Variants in PCDHGA3 observed in about 807,000 individuals in gnomAD.
PCDHGA3 encodes the protein protocadherin gamma-A3.
In PCDHGA3, 40 loss-of-function variants were observed where a neutral mutation model predicts 58.5. That is an observed-to-expected ratio of 0.68 (90% CI 0.53 to 0.89). PCDHGA3 has a LOEUF of 0.89. Among genes scored for constraint, PCDHGA3 ranks in the 40% least tolerant of loss-of-function variants. The pLI, the probability that PCDHGA3 is intolerant of heterozygous loss-of-function variation, is 0.00. For missense variants in PCDHGA3, 1,223 were observed against 1,195.9 expected, an observed-to-expected ratio of 1.02 and a Z score of -0.33; for synonymous variants, 530 against 525.7, an observed-to-expected ratio of 1.01 and a Z score of -0.11.
At position 141,415,039 on chromosome 5, in the gene PCDHGA3, G is replaced by T. The variant is rs761101620; in HGVS notation, c.2424+68582G>T. ...CAAGGCCAGCGAGCCGGGACTCTTC[G>T]CGGTGGGGGAGCACACGGGCGAGGT... On this transcript the variant is annotated intron_variant, in intron 1 of 3. Transcript: ENST00000253812. The T allele has an allele frequency of 3.1e-6, 5 of 1,613,342 alleles. No homozygotes were observed. The highest frequency in any genetic ancestry group is 3.4e-6 in the Non-Finnish European group (4 of 1,179,934).
chr5:141,357,680 A>G (rs913716274), intron 1 of PCDHGA3: 1 of 1,580,188 alleles, frequency 6.3e-7, no homozygotes, highest in Non-Finnish European at 8.6e-7. Flanking sequence ...AGTTGTGTAA[A>G]TGTCTCTCAT....
chr5:141,352,423 C>T, intron 1 of PCDHGA3: 1 of 1,614,070 alleles, frequency 6.2e-7, no homozygotes, highest in Non-Finnish European at 8.5e-7. Flanking sequence ...ACACTGAGGG[C>T]TGCTTTCAAA....
At chr5:141,427,519 G>A (rs1428732557) in intron 1 of PCDHGA3, 1 of 602,000 alleles carries the variant, frequency 1.7e-6, no homozygotes, top group Non-Finnish European at 3.1e-6. Context: ...GATTGGGAGC[G>A]GATCCCGGAG....
rs1757749760 is a variant in PCDHGA3, at chr5:141,346,418, G to A, written c.2385G>A (p.Gln795=). 2.5e-6 allele frequency: 4 copies of A among 1,614,216 alleles called. No homozygotes were observed. Among genetic ancestry groups the A allele is most frequent in the Middle Eastern group, 1.6e-4 (1 of 6,062 alleles). The change falls in exon 1 of 4, where the codon CAG becomes CAA. Residue 795 remains glutamine, a synonymous_variant. Transcript: ENST00000253812. The part of the protein sequence containing the change: ...CEKSEPLLIT[Q]DLLEMKGDSN... Reference sequence around the variant, plus strand: ...AAAGCGAGCCTCTTCTGATAACTCAGGATTTACTTGAAATGAAAGGAGATT... The same window carrying A: ...AAAGCGAGCCTCTTCTGATAACTCAAGATTTACTTGAAATGAAAGGAGATT...
intron 1 of PCDHGA3, chr5:141,376,156 G>T: frequency 6.2e-7 from 1 of 1,614,074 alleles, no homozygotes; most frequent in Non-Finnish European, 8.5e-7. Flanking sequence ...ACCTCACTCT[G>T]TACCTGGTGG....
chr5:141,449,067 T>A lies in PCDHGA3; in HGVS notation c.2425-45740T>A, dbSNP rs547833131. On this transcript the variant is annotated intron_variant, in intron 1 of 3. Transcript: ENST00000253812. ...AGTCTCATAAATGAGCGCTATTGAA[T>A]AGCCCTGTACCTACATCAGTTTTTA... Among the ~76,000 whole-genome samples the A allele has an allele frequency of 3.3e-5, 5 of 152,342 alleles. No homozygotes were observed. In the East Asian group the frequency reaches 9.6e-4, roughly 29 times the overall value.
intron 1 of PCDHGA3, chr5:141,384,713 C>CA: frequency 6.2e-7 from 1 of 1,614,104 alleles, no homozygotes; most frequent in Non-Finnish European, 8.5e-7. Context: ...GCCTGGCTGT[C>CA]ATACCTCCTG....
At chr5:141,354,618 C>T (rs2149781201) in intron 1 of PCDHGA3, among the ~76,000 whole-genome samples, 1 of 152,348 alleles carries the variant, frequency 6.6e-6, no homozygotes, top group East Asian at 1.9e-4. Context: ...GTCCCACTGT[C>T]TTTTCACTTA....
intron 1 of PCDHGA3, chr5:141,364,663 G>A: frequency 6.2e-7 from 1 of 1,614,042 alleles, no homozygotes; most frequent in Non-Finnish European, 8.5e-7. Flanking sequence ...TCTTGGTTGA[G>A]AACAAAATGA....
rs771885290 is a variant in PCDHGA3, at chr5:141,344,941, T to C, written c.908T>C (p.Ile303Thr). ...HLNSVSGEVSILKSLDYEDAM... is the reference protein window; with the variant it reads ...HLNSVSGEVSTLKSLDYEDAM... ...AACTCAGTGAGTGGAGAAGTATCAA[T>C]ATTAAAAAGTCTAGATTATGAGGAT... is the stretch of plus-strand genomic sequence containing the variant. The change falls in exon 1 of 4, where the codon ATA (isoleucine) becomes ACA (threonine). Residue 303 changes from isoleucine to threonine, a missense_variant. Transcript: ENST00000253812. 4.3e-6 allele frequency: 7 copies of C among 1,613,778 alleles called. No individual in the cohort carries two copies. The highest frequency in any genetic ancestry group is 5.9e-6 in the Non-Finnish European group (7 of 1,179,836).
rs778612383 is a variant in PCDHGA3, at chr5:141,360,299, G to A, written c.2424+13842G>A. The A allele has an allele frequency of 1.9e-6, 3 of 1,613,972 alleles. No homozygotes were observed. The South Asian group carries it at 3.3e-5, about 18-fold the overall frequency. ...GTAGGAAACCTCGCCAAGGATCTGGGGCTCAGCGTCCGGGACTTGCCAGCC... is the reference window on the plus strand; with the variant it reads ...GTAGGAAACCTCGCCAAGGATCTGGAGCTCAGCGTCCGGGACTTGCCAGCC... On this transcript the variant is annotated intron_variant, in intron 1 of 3. Coordinates refer to ENST00000253812, the MANE Select transcript of PCDHGA3 (RefSeq NM_018916.4).
chr5:141,490,480 C>A lies in PCDHGA3; in HGVS notation c.2425-4327C>A, dbSNP rs564439931. ...GCTGCTAACCAGCCAGCCTTTGGAC[C>A]GGGAGGCCACATCCCACTATATCAT... On this transcript the variant is annotated intron_variant, in intron 1 of 3. Transcript: ENST00000253812. The surrounding 1 kb of genome is among the most constrained non-coding windows in gnomAD (Gnocchi z 5.4). 2.5e-5 allele frequency: 40 copies of A among 1,614,076 alleles called. No homozygotes were observed. The highest frequency in any genetic ancestry group is 5.9e-6 in the Non-Finnish European group (7 of 1,180,058).
chr5:141,421,071 A>G (rs1197006989), intron 1 of PCDHGA3: 1 of 608,760 alleles, frequency 1.6e-6, no homozygotes, highest in East Asian at 2.9e-5. Flanking sequence ...GCGGAATGAG[A>G]TGGATACTCA....
chr5:141,409,041 A>G lies in PCDHGA3; in HGVS notation c.2424+62584A>G, dbSNP rs981171621. On this transcript the variant is annotated intron_variant, in intron 1 of 3. Coordinates refer to ENST00000253812, the MANE Select transcript of PCDHGA3 (RefSeq NM_018916.4). ...GGGGTCAATGCTGAGATAAACTACT[A>G]CTTCCGAAGCACTGCCCAGAGCACA... The G allele has an allele frequency of 8.7e-6, 14 of 1,613,864 alleles. No homozygotes were observed. Among genetic ancestry groups the G allele is most frequent in the Non-Finnish European group, 7.6e-6 (9 of 1,179,894 alleles).
rs72790062 is a variant in PCDHGA3, at chr5:141,476,031, C to A, written c.2425-18776C>A. On this transcript the variant is annotated intron_variant, in intron 1 of 3. Coordinates refer to ENST00000253812, the MANE Select transcript of PCDHGA3 (RefSeq NM_018916.4). The surrounding 1 kb of genome is among the most constrained non-coding windows in gnomAD (Gnocchi z 7.6). Reference sequence around the variant, plus strand: ...AAGCCATGTCGGACTCGGCGCCCAGCGCCCAAGCGCTAACCCGCTGAAAGT... The same window carrying A: ...AAGCCATGTCGGACTCGGCGCCCAGAGCCCAAGCGCTAACCCGCTGAAAGT... 6.9e-6 allele frequency: 10 copies of A among 1,457,214 alleles called. No homozygotes were observed. The highest frequency in any genetic ancestry group is 9.1e-6 in the Non-Finnish European group (10 of 1,094,860). 90.3% of individuals were successfully genotyped at this position (1,457,214 alleles called of 1,614,324 possible).
Position 141,344,238 on chromosome 5 carries a change from A to G in PCDHGA3, c.205A>G (p.Arg69Gly), listed in dbSNP as rs1046741074. Residue 69 changes from arginine to glycine, a missense_variant, in exon 1 of 4, where the codon AGA becomes GGA. Around this residue, in one of 3 missense-constraint regions of PCDHGA3, gnomAD observed 791 missense variants for 708.5 expected, o/e 1.12. Transcript: ENST00000253812. The part of the protein sequence containing the change: ...LAERGVRIVS[R>G]GRTQLFSLNP... ...GGAGCGCGGAGTCCGCATCGTCTCC[A>G]GAGGTAGGACGCAGCTTTTCTCTCT... 10 of 1,613,926 alleles carry G rather than the reference A, an allele frequency of 6.2e-6. No individual in the cohort carries two copies. In the African/African-American group the frequency reaches 1.3e-4, roughly 22 times the overall value.
chr5:141,508,777 AG>A (rs1428861784), intron 3 of PCDHGA3, among the ~76,000 whole-genome samples: 3 of 150,778 alleles, frequency 2.0e-5, no homozygotes, highest in Non-Finnish European at 4.4e-5. Context: ...TCCCCCCTCT[AG>A]CCCCTAAATC....
intron 1 of PCDHGA3, chr5:141,426,449 G>A (rs1449929836): frequency 1.6e-5 from 5 of 307,646 alleles, no homozygotes; most frequent in East Asian, 8.0e-5. Flanking sequence ...GAGGACATGC[G>A]GCTGCATGTT....
intron 1 of PCDHGA3, chr5:141,433,354 T>C: frequency 1.7e-6 from 1 of 602,322 alleles, no homozygotes; most frequent in Non-Finnish European, 2.9e-6. Flanking sequence ...CCACCTACTG[T>C]CTGCCTATCT....
Sources: allele counts gnomAD v4.1 joint callset (sites outside exome capture counted in the v4.1 genomes callset), GRCh38; gene constraint gnomAD v4.1.1; regional missense constraint gnomAD v4.1.1; non-coding constraint Gnocchi (gnomAD v3.1); transcripts MANE v1.5; gene names NCBI Gene and HGNC (gene_info 2026-07-23, HGNC 2026-07-21).